ARFGEF2: variants seen among roughly 807,000 people sequenced by gnomAD.
The protein encoded by ARFGEF2 is ARF guanine nucleotide exchange factor 2.
Under a neutral mutation model 219.9 loss-of-function variants are expected in ARFGEF2, and 74 were observed. The ratio of observed to expected loss-of-function variants is 0.34; its 90% CI spans 0.28 to 0.41. ARFGEF2 has a LOEUF of 0.41. ARFGEF2 is among the 10% of genes least tolerant of loss of function. The probability of loss-of-function intolerance (pLI) is 1.00; values close to 1 mark genes in which losing one functional copy is unlikely to be tolerated. For missense variants in ARFGEF2, 1,743 were observed against 2,218.3 expected (o/e 0.79, Z 4.30); for synonymous variants, 733 against 799.2 (o/e 0.92, Z 1.40).
At chr20:49,024,976 A>C (rs1236227504) in intron 35 of ARFGEF2, among the ~76,000 whole-genome samples, 1 of 152,200 alleles carries the variant, frequency 6.6e-6, no homozygotes, top group African/African-American at 2.4e-5. Context: ...AGCCTGGGCG[A>C]CAGAAACTCT....
intron 8 of ARFGEF2, among the ~76,000 whole-genome samples, chr20:48,967,301 C>T (rs993131948): frequency 2.0e-5 from 3 of 152,152 alleles, no homozygotes; most frequent in Non-Finnish European, 4.4e-5. Context: ...TTTTTAATGG[C>T]CATGTAAAAT....
At chr20:49,006,770 A>C (rs563189657) in intron 26 of ARFGEF2, among the ~76,000 whole-genome samples, 36 of 152,228 alleles carry the variant, frequency 2.4e-4, no homozygotes, top group African/African-American at 7.9e-4. Context: ...CAGGTAGTAG[A>C]AGGTGAAGTC....
intron 6 of ARFGEF2, 91 bp downstream of exon 6, chr20:48,953,881 G>A: frequency 8.0e-7 from 1 of 1,250,336 alleles, no homozygotes; most frequent in Non-Finnish European, 1.1e-6. Context: ...AACATCTGAA[G>A]GAAACCTCTG....
chr20:48,986,213 G>C (rs1178664522), intron 16 of ARFGEF2, among the ~76,000 whole-genome samples: 2 of 152,132 alleles, frequency 1.3e-5, no homozygotes, highest in Non-Finnish European at 2.9e-5. Context: ...GCAAGCCCAG[G>C]AATAGTATCC....
intron 7 of ARFGEF2, 89 bp from the exon 8 acceptor site, chr20:48,965,783 G>C: frequency 6.7e-7 from 1 of 1,501,950 alleles, no homozygotes; most frequent in South Asian, 1.1e-5. Context: ...CAGCTGGGAG[G>C]TTCACAGATA....
At chr20:48,941,254 C>T (rs2090991451) in intron 2 of ARFGEF2, 25 bp downstream of exon 2, 4 of 1,611,188 alleles carry the variant, frequency 2.5e-6, no homozygotes, top group Non-Finnish European at 3.4e-6. Flanking sequence ...TACCTCCTTG[C>T]TGAGATACGG....
At position 49,036,007 on chromosome 20, in the gene ARFGEF2, C is replaced by T. The variant is rs2091664368; in HGVS notation, c.*2808C>T. On this transcript the variant is annotated 3_prime_UTR_variant, in exon 39 of 39. Coordinates refer to ENST00000371917, the MANE Select transcript of ARFGEF2 (RefSeq NM_006420.3). ...TTGTACGAAATGAAAAAAAAAAAAC[C>T]TGTATTTTTTTTGTTGTTCTTTTGT... is the stretch of plus-strand genomic sequence containing the variant. 5.1e-6 allele frequency: 2 copies of T among 389,790 alleles called. No individual in the cohort carries two copies. The highest frequency in any genetic ancestry group is 4.2e-5 in the African/African-American group (2 of 47,186). 24.1% of individuals were successfully genotyped at this position (389,790 alleles called of 1,614,324 possible).
At chr20:48,973,335 A>G (rs1320690358) in intron 12 of ARFGEF2, 51 bp downstream of exon 12, 3 of 1,598,718 alleles carry the variant, frequency 1.9e-6, no homozygotes, top group Admixed American at 1.7e-5. Flanking sequence ...CATTCCAATA[A>G]ACATTTATTG....
intron 1 of ARFGEF2, among the ~76,000 whole-genome samples, chr20:48,929,799 T>C (rs1342518494): frequency 6.6e-6 from 1 of 152,116 alleles, no homozygotes; most frequent in Non-Finnish European, 1.5e-5. Context: ...GTTGGAACAT[T>C]GTACTTGAGC....
Position 48,961,986 on chromosome 20 carries a change from C to T in ARFGEF2, c.839-1844C>T, listed in dbSNP as rs146288359. On this transcript the variant is annotated intron_variant, in intron 6 of 38. Coordinates refer to ENST00000371917, the MANE Select transcript of ARFGEF2 (RefSeq NM_006420.3). ...CTGAGGCTGGGAGTTCAAGACTAGC[C>T]TGACCAACATGGAGAAACCCTATCT... is the stretch of plus-strand genomic sequence containing the variant. Among the ~76,000 whole-genome samples the T allele has an allele frequency of 2.1e-3, 323 of 151,936 alleles. 2 individuals are homozygous for T. The highest frequency in any genetic ancestry group is 7.2e-3 in the African/African-American group (297 of 41,462).
At chr20:48,960,285 TCA>T (rs1568706410) in intron 6 of ARFGEF2, among the ~76,000 whole-genome samples, 1 of 152,120 alleles carries the variant, frequency 6.6e-6, no homozygotes, top group Non-Finnish European at 1.5e-5. Flanking sequence ...AAAAGTACAG[TCA>T]CAATGCAGTA....
chr20:48,925,963 G>T (rs1420914214), intron 1 of ARFGEF2, among the ~76,000 whole-genome samples: 1 of 152,180 alleles, frequency 6.6e-6, no homozygotes, highest in African/African-American at 2.4e-5. Flanking sequence ...GACTTTTAAA[G>T]ATCACATGTT....
At chr20:48,996,321 G>A (rs1193436317) in intron 23 of ARFGEF2, among the ~76,000 whole-genome samples, 1 of 152,000 alleles carries the variant, frequency 6.6e-6, no homozygotes, top group Non-Finnish European at 1.5e-5. Context: ...CAGGCGTGGT[G>A]GTGGGCACCT....
chr20:49,030,440 G>A (rs867824853), intron 37 of ARFGEF2, among the ~76,000 whole-genome samples: 3 of 143,798 alleles, frequency 2.1e-5, no homozygotes, highest in Non-Finnish European at 4.5e-5. Flanking sequence ...GACTACAGGC[G>A]AGCAATTTTT....
chr20:48,936,167 A>C (rs1600589110), intron 1 of ARFGEF2, among the ~76,000 whole-genome samples: 4 of 112,666 alleles, frequency 3.6e-5, no homozygotes, highest in South Asian at 3.2e-4. Flanking sequence ...CTGGCCGGGC[A>C]GAGGGGCTCC....
At chr20:48,947,832 G>C (rs952691835) in intron 3 of ARFGEF2, among the ~76,000 whole-genome samples, 6 of 152,134 alleles carry the variant, frequency 3.9e-5, no homozygotes, top group Non-Finnish European at 8.8e-5. Flanking sequence ...CTCCAGCCTG[G>C]GTGACAGAGT....
intron 2 of ARFGEF2, 142 bp from the exon 3 acceptor site, chr20:48,941,722 G>A: frequency 8.3e-7 from 1 of 1,208,200 alleles, no homozygotes. Flanking sequence ...TTTTGCTAAT[G>A]CATGTATTCA....
chr20:48,994,397 C>G, intron 21 of ARFGEF2, 54 bp from the exon 22 acceptor site: 2 of 1,608,446 alleles, frequency 1.2e-6, no homozygotes, highest in Non-Finnish European at 1.7e-6. Context: ...ATTACAGTGC[C>G]CTTTTTCTAG....
chr20:48,966,826 A>G (rs2091190509), intron 8 of ARFGEF2, among the ~76,000 whole-genome samples: 1 of 152,214 alleles, frequency 6.6e-6, no homozygotes. Context: ...TGTGCTTTAT[A>G]CATAAAAATA....
Sources: allele counts gnomAD v4.1 joint callset (sites outside exome capture counted in the v4.1 genomes callset), GRCh38; gene constraint gnomAD v4.1.1; transcripts MANE v1.5; gene names NCBI Gene and HGNC (gene_info 2026-07-23, HGNC 2026-07-21).